The following CACNA1C variants were observed in gnomAD, a reference collection of about 807,000 sequenced individuals.
The protein encoded by CACNA1C is voltage-dependent L-type calcium channel subunit alpha-1C.
In CACNA1C, 30 loss-of-function variants were observed where a neutral mutation model predicts 229.0. The ratio of observed to expected loss-of-function variants is 0.13; its 90% CI spans 0.10 to 0.18. The LOEUF is 0.18. CACNA1C is among the 10% of genes least tolerant of loss of function. The probability of loss-of-function intolerance (pLI) is 1.00; values close to 1 mark genes in which losing one functional copy is unlikely to be tolerated. For missense variants in CACNA1C, 1,658 were observed against 2,845.0 expected (o/e 0.58, Z 9.49); for synonymous variants, 1,114 against 1,132.5 (o/e 0.98, Z 0.33).
intron 12 of CACNA1C, 68 bp from the exon 13 acceptor site, chr12:2,567,501 C>T: frequency 2.1e-6 from 2 of 944,536 alleles, no homozygotes; most frequent in Non-Finnish European, 3.2e-6. Flanking sequence ...ACTGTATTTC[C>T]TTTCCCTGCC....
intron 3 of CACNA1C, among the ~76,000 whole-genome samples, chr12:2,170,563 A>G (rs1048121792): frequency 6.6e-6 from 1 of 152,276 alleles, no homozygotes; most frequent in Non-Finnish European, 1.5e-5. Context: ...TTTCACTGCT[A>G]TAGTGAGTCA....
At chr12:2,184,370 C>G (rs917550041) in intron 3 of CACNA1C, among the ~76,000 whole-genome samples, 2 of 152,228 alleles carry the variant, frequency 1.3e-5, no homozygotes, top group South Asian at 2.1e-4. Flanking sequence ...TTTACCACTA[C>G]AGGGACAGAG....
intron 11 of CACNA1C, among the ~76,000 whole-genome samples, chr12:2,565,187 G>A (rs958838106): frequency 2.6e-5 from 4 of 151,784 alleles, no homozygotes; most frequent in East Asian, 1.9e-4. Context: ...ACCCAACCCC[G>A]GCCGGGCGCG....
chr12:2,097,359 G>A (rs1024250419), intron 1 of CACNA1C, among the ~76,000 whole-genome samples: 2 of 151,918 alleles, frequency 1.3e-5, no homozygotes, highest in Non-Finnish European at 2.9e-5. Context: ...TGTTAGCCAG[G>A]ATAGTCTCGA....
chr12:2,453,573 C>T (rs1024012267), intron 4 of CACNA1C, among the ~76,000 whole-genome samples: 4 of 152,200 alleles, frequency 2.6e-5, no homozygotes, highest in Admixed American at 6.5e-5. Flanking sequence ...TTGGTTGCCA[C>T]GAAAAGCCCA....
intron 1 of CACNA1C, among the ~76,000 whole-genome samples, chr12:1,979,517 G>C (rs1214559392): frequency 6.6e-6 from 1 of 152,102 alleles, no homozygotes; most frequent in East Asian, 1.9e-4. Flanking sequence ...TCACCATGTT[G>C]GCCAGGCTCG....
Position 2,668,988 on chromosome 12 carries a change from C to A in CACNA1C, c.4679C>A (p.Ala1560Asp). The A allele has an allele frequency of 6.2e-7, 1 of 1,614,120 alleles. No homozygotes were observed. Among genetic ancestry groups the A allele is most frequent in the Non-Finnish European group, 8.5e-7 (1 of 1,179,982 alleles). ...LNSDGTVMFN[A>D]TLFALVRTAL... Reference sequence around the variant, plus strand: ...AGCGACGGGACAGTCATGTTCAATGCCACCCTGTTTGCCCTGGTCAGGACG... The same window carrying A: ...AGCGACGGGACAGTCATGTTCAATGACACCCTGTTTGCCCTGGTCAGGACG... The change falls in exon 38 of 47, where the codon GCC becomes GAC. Residue 1560 changes from alanine to aspartate, a missense_variant. Ala to Asp is a moderately radical substitution (Grantham distance 126, BLOSUM62 -2). Around this residue, in one of 20 missense-constraint regions of CACNA1C, gnomAD observed 151 missense variants for 344.4 expected, o/e 0.44. Transcript: ENST00000399655.
intron 3 of CACNA1C, among the ~76,000 whole-genome samples, chr12:2,328,651 A>C (rs2096427398): frequency 6.6e-6 from 1 of 152,206 alleles, no homozygotes; most frequent in Non-Finnish European, 1.5e-5. Context: ...GATGAGTTTT[A>C]TGGAAGCTGA....
intron 3 of CACNA1C, among the ~76,000 whole-genome samples, chr12:2,282,518 G>A (rs1034730798): frequency 5.3e-5 from 8 of 152,160 alleles, no homozygotes; most frequent in African/African-American, 1.9e-4. Flanking sequence ...TCCCCTGTAG[G>A]CCTGGAAAGC....
intron 43 of CACNA1C, among the ~76,000 whole-genome samples, chr12:2,685,254 C>T (rs2097389989): frequency 6.6e-6 from 1 of 150,398 alleles, no homozygotes. Context: ...TACTGAGTGA[C>T]CGTAGAGTGG....
At chr12:2,548,072 TAA>T (rs900928054) in intron 9 of CACNA1C, among the ~76,000 whole-genome samples, 1 of 148,998 alleles carries the variant, frequency 6.7e-6, no homozygotes, top group Admixed American at 6.8e-5. Flanking sequence ...AAATAAAAAA[TAA>T]AAAAAACCTT....
rs563667493 is a variant in CACNA1C at position 2,029,237 on chromosome 12, G to A, written c.139+58036G>A. Among the ~76,000 whole-genome samples the A allele has an allele frequency of 2.5e-4, 38 of 152,272 alleles. No homozygotes were observed. Among genetic ancestry groups the A allele is most frequent in the African/African-American group, 7.7e-4 (32 of 41,552 alleles). ...TCTATCGGAAAGCCAGTTGTCATTC[G>A]TGGGGCCAATATGTTGATGCTGCAT... On this transcript the variant is annotated intron_variant, in intron 1 of 46. Transcript: ENST00000682462. The surrounding 1 kb of genome is among the most constrained non-coding windows in gnomAD (Gnocchi z 4.9).
intron 1 of CACNA1C, among the ~76,000 whole-genome samples, chr12:2,068,151 G>A (rs2060056546): frequency 1.3e-5 from 2 of 152,170 alleles, no homozygotes; most frequent in African/African-American, 2.4e-5. Context: ...TATCCTGAAT[G>A]TTTCATGAAA....
In CACNA1C at chr12:2,678,580, AC is replaced by A. The variant is rs2096942168; in HGVS notation, c.5091+715del. ...CATAATTGTGCAGGACCCTGCTCAC[AC>A]CGCTCTCTCCCGGCCGCGGGCCCAG... On this transcript the variant is annotated intron_variant, in intron 41 of 46. Transcript: ENST00000399655. The surrounding 1 kb of genome is among the most constrained non-coding windows in gnomAD (Gnocchi z 4.1). Among the ~76,000 whole-genome samples, 1 of 152,220 alleles carries A rather than the reference AC, an allele frequency of 6.6e-6. No homozygotes were observed. Among genetic ancestry groups the A allele is most frequent in the Admixed American group, 6.5e-5 (1 of 15,288 alleles).
chr12:2,277,358 G>GACACACAC, intron 3 of CACNA1C, among the ~76,000 whole-genome samples: 1 of 83,062 alleles, frequency 1.2e-5, no homozygotes, highest in East Asian at 2.9e-4. Context: ...CAGACAGACA[G>GACACACAC]ACAGACACAC....
At position 2,693,154 on chromosome 12, in the gene CACNA1C, G is replaced by A. The variant is rs1249397685; in HGVS notation, c.*1955G>A. 6.6e-6 allele frequency: 1 copy of A among 152,170 alleles called. No homozygotes were observed. The highest frequency in any genetic ancestry group is 2.4e-5 in the African/African-American group (1 of 41,416). 9.4% of individuals were successfully genotyped at this position (152,170 alleles called of 1,614,324 possible). A position where few individuals can be genotyped will look rare whatever the true frequency, so the allele number is the denominator to read the frequency against. On this transcript the variant is annotated 3_prime_UTR_variant, in exon 47 of 47. Coordinates refer to ENST00000399655, the MANE Select transcript of CACNA1C (RefSeq NM_000719.7). ...GCTGGGTATGTTTGTACCGCCTCTT[G>A]CTGTGAGAGACCAGGACCTATTTTA...
chr12:1,999,858 T>C (rs542891194), intron 1 of CACNA1C, among the ~76,000 whole-genome samples: 8 of 152,364 alleles, frequency 5.3e-5, no homozygotes, highest in African/African-American at 1.9e-4. Context: ...CACCACAACA[T>C]ACTGTGAAAC....
In CACNA1C at chr12:2,101,494, C is replaced by T. The variant is rs553131219; in HGVS notation, c.50-13730C>T. On this transcript the variant is annotated intron_variant, in intron 1 of 46. Transcript: ENST00000399655. The stretch of plus-strand genomic sequence containing the variant: ...GCTACAGCTCCATCGTCGTCCTCAC[C>T]GTGCAGAACAGAAATGCACGCTCCG... 7.2e-5 allele frequency among the ~76,000 whole-genome samples: 11 copies of T among 152,316 alleles called. No homozygotes were observed. The South Asian group carries it at 1.9e-3, about 26-fold the overall frequency.
chr12:2,645,887 T>C (rs2094303285), intron 30 of CACNA1C, among the ~76,000 whole-genome samples: 1 of 152,188 alleles, frequency 6.6e-6, no homozygotes, highest in Non-Finnish European at 1.5e-5. Flanking sequence ...ACTTAATCTT[T>C]GAGTCTCTAG....
Sources: gnomAD v4.1 joint callset for allele counts (sites outside exome capture counted in the v4.1 genomes callset) on GRCh38, gnomAD v4.1.1 for gene constraint, gnomAD v4.1.1 regional missense constraint, Gnocchi (gnomAD v3.1) non-coding constraint, MANE v1.5 for transcripts, NCBI Gene and HGNC (gene_info 2026-07-23, HGNC 2026-07-21) for gene names.